The following ARHGEF26 variants were observed in gnomAD, a reference collection of about 807,000 sequenced individuals.
ARHGEF26 encodes the protein Rho guanine nucleotide exchange factor 26.
ARHGEF26 carries 59 observed loss-of-function variants against 89.4 expected under a neutral mutation model. The ratio of observed to expected loss-of-function variants is 0.66; its 90% CI spans 0.54 to 0.82. The LOEUF (loss-of-function observed/expected upper bound fraction) is 0.82. ARHGEF26 is among the 40% of genes least tolerant of loss of function. The probability of loss-of-function intolerance (pLI) is 0.00; values close to 1 mark genes in which losing one functional copy is unlikely to be tolerated. For synonymous variants in ARHGEF26, 500 were observed against 428.4 expected (o/e 1.17, Z -2.06); for missense variants, 1,234 against 1,085.6 (o/e 1.14, Z -1.92).
At chr3:154,250,452 G>T (rs1488045442) in intron 12 of ARHGEF26, among the ~76,000 whole-genome samples, 1 of 152,204 alleles carries the variant, frequency 6.6e-6, no homozygotes, top group African/African-American at 2.4e-5. Flanking sequence ...GCAACAAGGA[G>T]TGTCTTGTTC....
chr3:154,160,572 G>T (rs543128414), intron 6 of ARHGEF26, among the ~76,000 whole-genome samples: 2 of 152,254 alleles, frequency 1.3e-5, no homozygotes, highest in Admixed American at 6.5e-5. Flanking sequence ...ACCTGAGATG[G>T]TTGTCCAGTA....
intron 13 of ARHGEF26, 83 bp downstream of exon 13, chr3:154,253,266 A>G (rs780533537): frequency 4.5e-5 from 67 of 1,492,972 alleles, no homozygotes; most frequent in Admixed American, 1.1e-4. Context: ...AACGAGTTAT[A>G]TTGCCACAAT....
At chr3:154,155,342 T>C (rs1016352255) in intron 6 of ARHGEF26, among the ~76,000 whole-genome samples, 7 of 152,000 alleles carry the variant, frequency 4.6e-5, no homozygotes, top group Non-Finnish European at 8.8e-5. Flanking sequence ...TAATGCTCGC[T>C]GAAACACAAG....
chr3:154,157,925 G>A (rs1008343251), intron 6 of ARHGEF26, among the ~76,000 whole-genome samples: 3 of 152,046 alleles, frequency 2.0e-5, no homozygotes, highest in East Asian at 1.9e-4. Context: ...TCACAGAGGT[G>A]GTTCTTGTCA....
intron 9 of ARHGEF26, among the ~76,000 whole-genome samples, chr3:154,199,474 A>G (rs1228581534): frequency 6.6e-6 from 1 of 152,112 alleles, no homozygotes; most frequent in Non-Finnish European, 1.5e-5. Context: ...ACTGATGGAC[A>G]TTTAGGTTGC....
At chr3:154,188,416 A>G (rs1459660595) in intron 7 of ARHGEF26, among the ~76,000 whole-genome samples, 1 of 152,214 alleles carries the variant, frequency 6.6e-6, no homozygotes, top group African/African-American at 2.4e-5. Flanking sequence ...TAAGCATTAG[A>G]TTTCCTGCCA....
Position 154,216,509 on chromosome 3 carries a change from A to AT in ARHGEF26, c.1846-1350dup, listed in dbSNP as rs1273722931. ...TTTTTTTTATTTTTTTTTATTTTTT[A>AT]TTTTTTTTTTATGTCTATACAAAAT... On this transcript the variant is annotated intron_variant, in intron 9 of 14. Transcript: ENST00000465093. Among the ~76,000 whole-genome samples, 167 of 26,270 alleles carry AT rather than the reference A, an allele frequency of 6.4e-3. 3 individuals carry two copies. The highest frequency in any genetic ancestry group is 0.023 in the East Asian group (11 of 474). The allele number at this position is 26,270 out of a possible 152,430, so 17.2% of individuals were successfully genotyped here.
chr3:154,244,011 T>C (rs1024960419), intron 12 of ARHGEF26, among the ~76,000 whole-genome samples: 2 of 152,186 alleles, frequency 1.3e-5, no homozygotes, highest in Admixed American at 1.3e-4. Context: ...AATGCATCAA[T>C]AAGTATATAT....
At chr3:154,168,771 T>C (rs1366149723) in intron 6 of ARHGEF26, among the ~76,000 whole-genome samples, 1 of 152,154 alleles carries the variant, frequency 6.6e-6, no homozygotes, top group Non-Finnish European at 1.5e-5. Flanking sequence ...GGTTTCTTAT[T>C]GTCCCACTTT....
chr3:154,187,113 A>G (rs1184821850), intron 6 of ARHGEF26: 1 of 339,652 alleles, frequency 2.9e-6, no homozygotes. Context: ...GATGGTCTCG[A>G]TCCCTTCAAC....
intron 4 of ARHGEF26, among the ~76,000 whole-genome samples, chr3:154,133,783 T>A (rs1287366790): frequency 6.6e-6 from 1 of 152,226 alleles, no homozygotes; most frequent in Non-Finnish European, 1.5e-5. Flanking sequence ...TATAAATTGC[T>A]TTGGGCAGTA....
rs987145114 is a variant in ARHGEF26, at chr3:154,257,446, CG to C, written c.*1977del. The C allele has an allele frequency of 5.3e-5, 8 of 152,210 alleles. No individual in the cohort carries two copies. Among genetic ancestry groups the C allele is most frequent in the Non-Finnish European group, 2.9e-5 (2 of 68,098 alleles). The allele number at this position is 152,210 out of a possible 1,614,324, so 9.4% of individuals were successfully genotyped here. A position where few individuals can be genotyped will look rare whatever the true frequency, so the allele number is the denominator to read the frequency against. Reference sequence around the variant, plus strand: ...GAAGGAAGGTAAATTTGTGCTTGCACGGGGATCATTTTGTATTATTTTTGCT... The same window carrying C: ...GAAGGAAGGTAAATTTGTGCTTGCACGGGATCATTTTGTATTATTTTTGCT... On this transcript the variant is annotated 3_prime_UTR_variant, in exon 15 of 15. Transcript: ENST00000465093.
chr3:154,198,715 G>T lies in ARHGEF26; in HGVS notation c.1845+3997G>T, dbSNP rs77378063. On this transcript the variant is annotated intron_variant, in intron 9 of 14. Coordinates refer to ENST00000465093, the MANE Select transcript of ARHGEF26 (RefSeq NM_015595.4). ...GCATAAGAATGATATTATGGACTAT[G>T]GGGACTTGGGGAGAAGGGGGAAAAG... Among the ~76,000 whole-genome samples, 6 of 152,110 alleles carry T rather than the reference G, an allele frequency of 3.9e-5. No individual in the cohort carries two copies. The East Asian group carries it at 9.7e-4, about 25-fold the overall frequency.
intron 9 of ARHGEF26, among the ~76,000 whole-genome samples, chr3:154,206,158 T>C (rs955855001): frequency 1.3e-5 from 2 of 152,212 alleles, no homozygotes; most frequent in Non-Finnish European, 2.9e-5. Context: ...TCACTGGATA[T>C]ACTATTTTAT....
At chr3:154,232,272 G>T (rs1261438531) in intron 11 of ARHGEF26, among the ~76,000 whole-genome samples, 1 of 152,140 alleles carries the variant, frequency 6.6e-6, no homozygotes, top group African/African-American at 2.4e-5. Context: ...GGGCTTCCTG[G>T]CCCTTTTCTG....
intron 3 of ARHGEF26, among the ~76,000 whole-genome samples, chr3:154,126,008 G>A (rs1718309422): frequency 6.6e-6 from 1 of 152,122 alleles, no homozygotes; most frequent in Non-Finnish European, 1.5e-5. Flanking sequence ...TGTGTGAAAT[G>A]AGGTTAATAA....
chr3:154,236,457 C>G (rs564040621), intron 11 of ARHGEF26, among the ~76,000 whole-genome samples: 4 of 152,242 alleles, frequency 2.6e-5, no homozygotes, highest in Non-Finnish European at 5.9e-5. Context: ...ATAAACTTCT[C>G]CATGCAAGGA....
intron 11 of ARHGEF26, among the ~76,000 whole-genome samples, chr3:154,237,209 GTCTT>G (rs1444123288): frequency 6.6e-6 from 1 of 152,070 alleles, no homozygotes; most frequent in African/African-American, 2.4e-5. Flanking sequence ...ATCTACTTCT[GTCTT>G]TATCCCCCAA....
chr3:154,243,832 T>C (rs1221244991), intron 12 of ARHGEF26, among the ~76,000 whole-genome samples: 2 of 150,692 alleles, frequency 1.3e-5, no homozygotes, highest in African/African-American at 4.9e-5. Flanking sequence ...AAAATATATT[T>C]AACAACTAAA....
Sources: gnomAD v4.1 joint callset for allele counts (sites outside exome capture counted in the v4.1 genomes callset) on GRCh38, gnomAD v4.1.1 for gene constraint, MANE v1.5 for transcripts, NCBI Gene and HGNC (gene_info 2026-07-23, HGNC 2026-07-21) for gene names.